CNTNAP4: variants seen among roughly 807,000 people sequenced by gnomAD.
CNTNAP4 encodes the protein contactin-associated protein-like 4.
A neutral mutation model predicts 148.4 loss-of-function variants in CNTNAP4; 98 were observed. The observed-to-expected ratio is 0.66, with a 90% CI of 0.56 to 0.78. The LOEUF is 0.78. Among genes scored for constraint, CNTNAP4 ranks in the 30% least tolerant of loss-of-function variants. The pLI is 0.00. For missense variants in CNTNAP4, 1,935 were observed against 1,565.6 expected (o/e 1.24, Z -3.98); for synonymous variants, 730 against 565.1 (o/e 1.29, Z -4.14).
At chr16:76,297,953 T>A (rs921216614) in intron 1 of CNTNAP4, among the ~76,000 whole-genome samples, 1 of 152,220 alleles carries the variant, frequency 6.6e-6, no homozygotes, top group South Asian at 2.1e-4. Flanking sequence ...ACATATTATT[T>A]TTTTTTCTTA....
intron 3 of CNTNAP4, among the ~76,000 whole-genome samples, chr16:76,389,126 G>C (rs1415714950): frequency 6.6e-6 from 1 of 152,168 alleles, no homozygotes; most frequent in African/African-American, 2.4e-5. Context: ...TAAGGAAAAT[G>C]AATATTGCTA....
At chr16:76,418,518 C>T (rs2079068398) in intron 3 of CNTNAP4, among the ~76,000 whole-genome samples, 1 of 151,556 alleles carries the variant, frequency 6.6e-6, no homozygotes, top group African/African-American at 2.4e-5. Flanking sequence ...TCTGTTCCAG[C>T]ATTTTTAATT....
chr16:76,501,506 C>T (rs1378923746), intron 15 of CNTNAP4, among the ~76,000 whole-genome samples: 1 of 152,170 alleles, frequency 6.6e-6, no homozygotes, highest in Non-Finnish European at 1.5e-5. Context: ...CCACTTAGAG[C>T]AGTGATTCTC....
At chr16:76,540,556 G>A (rs2084405666) in intron 20 of CNTNAP4, 147 bp from the exon 21 acceptor site, 1 of 291,766 alleles carries the variant, frequency 3.4e-6, no homozygotes, top group Non-Finnish European at 6.4e-6. Flanking sequence ...AAGTGGCTAA[G>A]CTTTTAAATT....
At chr16:76,419,032 T>TG (rs1597475870) in intron 3 of CNTNAP4, among the ~76,000 whole-genome samples, 2 of 152,002 alleles carry the variant, frequency 1.3e-5, no homozygotes, top group East Asian at 3.9e-4. Context: ...TCCTGTTGTG[T>TG]GGTGGTTCGA....
intron 2 of CNTNAP4, among the ~76,000 whole-genome samples, chr16:76,327,175 G>A (rs1335517262): frequency 1.3e-5 from 2 of 152,138 alleles, no homozygotes; most frequent in African/African-American, 4.8e-5. Context: ...CATAGTATCC[G>A]TAGGTAGGTT....
chr16:76,451,598 G>GGTGTGTGTGTGTGT (rs2080473394), intron 7 of CNTNAP4, among the ~76,000 whole-genome samples: 1 of 43,712 alleles, frequency 2.3e-5, no homozygotes, highest in Admixed American at 2.7e-4. Context: ...ATTTTAGATA[G>GGTGTGTGTGTGTGT]ATGTGTGTGT....
intron 3 of CNTNAP4, among the ~76,000 whole-genome samples, chr16:76,397,886 CTT>C (rs2078256399): frequency 7.5e-6 from 1 of 134,008 alleles, no homozygotes; most frequent in Non-Finnish European, 1.6e-5. Flanking sequence ...GGTTCTCTAA[CTT>C]TGTTTAGCAT....
intron 3 of CNTNAP4, among the ~76,000 whole-genome samples, chr16:76,398,054 C>G (rs1296264092): frequency 2.2e-5 from 3 of 137,326 alleles, no homozygotes; most frequent in African/African-American, 8.2e-5. Context: ...GGTCTGCAAG[C>G]TGAGGAGCAA....
At chr16:76,448,301 C>A in intron 5 of CNTNAP4, 86 bp downstream of exon 5, 2 of 879,296 alleles carry the variant, frequency 2.3e-6, no homozygotes, top group Non-Finnish European at 3.5e-6. Context: ...TATCTTTTAG[C>A]AGTCAGAGTG....
chr16:76,392,656 C>T lies in CNTNAP4; in HGVS notation c.391-34796C>T, dbSNP rs115771540. 6.8e-3 allele frequency among the ~76,000 whole-genome samples: 1,031 copies of T among 152,208 alleles called. 9 individuals carry two copies. The highest frequency in any genetic ancestry group is 0.023 in the African/African-American group (951 of 41,542). Reference sequence around the variant, plus strand: ...GTCTGCTCAAGTACATACTGTCATTCGGGAAATGTGCCTCAGTCAAACACA... The same window carrying T: ...GTCTGCTCAAGTACATACTGTCATTTGGGAAATGTGCCTCAGTCAAACACA... On this transcript the variant is annotated intron_variant, in intron 3 of 23. Transcript: ENST00000611870.
chr16:76,358,390 G>A (rs1277567613), intron 3 of CNTNAP4, among the ~76,000 whole-genome samples: 1 of 152,088 alleles, frequency 6.6e-6, no homozygotes, highest in Non-Finnish European at 1.5e-5. Context: ...GCATATCAGA[G>A]CAAAACAAAG....
intron 17 of CNTNAP4, among the ~76,000 whole-genome samples, chr16:76,529,307 T>G (rs2083873053): frequency 6.6e-6 from 1 of 152,138 alleles, no homozygotes; most frequent in Non-Finnish European, 1.5e-5. Context: ...TGCCTCTTAT[T>G]GTCTTCTAAA....
At chr16:76,348,959 T>G (rs1035468276) in intron 2 of CNTNAP4, among the ~76,000 whole-genome samples, 3 of 152,026 alleles carry the variant, frequency 2.0e-5, no homozygotes, top group Non-Finnish European at 4.4e-5. Flanking sequence ...AATTATCCAT[T>G]AAAGAGAATA....
rs145862791 is a variant in CNTNAP4, at chr16:76,352,798, G to C, written c.197-2520G>C. On this transcript the variant is annotated intron_variant, in intron 2 of 23. Transcript: ENST00000611870. The stretch of plus-strand genomic sequence containing the variant: ...TAATGCCCCAGGAGCAGTTCCCGCA[G>C]AGTTCAAGAACTCCCCGAGCTATTT... Among the ~76,000 whole-genome samples the C allele has an allele frequency of 9.9e-5, 15 of 152,238 alleles. No homozygotes were observed. The East Asian group carries it at 1.7e-3, about 18-fold the overall frequency.
chr16:76,346,479 T>A (rs1265552939), intron 2 of CNTNAP4, among the ~76,000 whole-genome samples: 2 of 151,540 alleles, frequency 1.3e-5, no homozygotes, highest in Non-Finnish European at 2.9e-5. Flanking sequence ...AAATGGTTTT[T>A]AAATTTCTGG....
At chr16:76,398,895 C>T (rs2078304204) in intron 3 of CNTNAP4, among the ~76,000 whole-genome samples, 1 of 152,020 alleles carries the variant, frequency 6.6e-6, no homozygotes, top group Non-Finnish European at 1.5e-5. Flanking sequence ...TGTGTCCTCA[C>T]CCAAATCTCA....
At chr16:76,543,946 TAC>T (rs1491217231) in intron 21 of CNTNAP4, among the ~76,000 whole-genome samples, 59 of 143,076 alleles carry the variant, frequency 4.1e-4, no homozygotes, top group Non-Finnish European at 7.7e-4. Context: ...ATTAAATACA[TAC>T]CTTGTGATCA....
chr16:76,412,447 A>G (rs867192627), intron 3 of CNTNAP4, among the ~76,000 whole-genome samples: 1 of 151,444 alleles, frequency 6.6e-6, no homozygotes, highest in African/African-American at 2.4e-5. Flanking sequence ...AATGGAAATT[A>G]TACCAATTTA....
Sources: allele counts gnomAD v4.1 joint callset (sites outside exome capture counted in the v4.1 genomes callset), GRCh38; gene constraint gnomAD v4.1.1; transcripts MANE v1.5; gene names NCBI Gene and HGNC (gene_info 2026-07-23, HGNC 2026-07-21).